The following C8orf34 variants were observed in gnomAD, a reference collection of about 807,000 sequenced individuals.
C8orf34 encodes the protein chromosome 8 open reading frame 34, also known as uncharacterized protein C8orf34.
A neutral mutation model predicts 68.3 loss-of-function variants in C8orf34; 65 were observed. That is an observed-to-expected ratio of 0.95 (90% CI 0.78 to 1.17). The LOEUF (loss-of-function observed/expected upper bound fraction) is 1.17, where lower values mean the gene tolerates loss of function less well. Among genes scored for constraint, C8orf34 ranks in the 50% most tolerant of loss-of-function variants. The pLI is 0.00. For synonymous variants in C8orf34, 244 were observed against 241.2 expected, an observed-to-expected ratio of 1.01 and a Z score of -0.11; for missense variants, 664 against 655.4, an observed-to-expected ratio of 1.01 and a Z score of -0.14.
intron 5 of C8orf34, among the ~76,000 whole-genome samples, chr8:68,519,202 G>A (rs1310146420): frequency 6.6e-6 from 1 of 152,160 alleles, no homozygotes; most frequent in Non-Finnish European, 1.5e-5. Context: ...TAAAGTAATA[G>A]TGCTCATTGT....
At chr8:68,435,595 T>C (rs1810629356) in intron 1 of C8orf34, among the ~76,000 whole-genome samples, 1 of 152,174 alleles carries the variant, frequency 6.6e-6, no homozygotes, top group South Asian at 2.1e-4. Flanking sequence ...TGTGAATCTC[T>C]CATCTGTTCT....
chr8:68,749,158 A>G (rs562338099), intron 10 of C8orf34, among the ~76,000 whole-genome samples: 3 of 151,388 alleles, frequency 2.0e-5, no homozygotes, highest in Non-Finnish European at 4.4e-5. Flanking sequence ...AACACCGCAT[A>G]TTCTCACTCA....
intron 10 of C8orf34, among the ~76,000 whole-genome samples, chr8:68,752,303 T>C (rs1822730232): frequency 6.6e-6 from 1 of 152,184 alleles, no homozygotes; most frequent in South Asian, 2.1e-4. Flanking sequence ...AACAACTCCT[T>C]AAACTTTTCT....
chr8:68,545,538 A>T (rs936333122), intron 7 of C8orf34, among the ~76,000 whole-genome samples: 12 of 152,170 alleles, frequency 7.9e-5, no homozygotes, highest in Non-Finnish European at 1.6e-4. Context: ...ATGAAATATC[A>T]GCTGATACTT....
chr8:68,728,553 G>C (rs1255329235), intron 10 of C8orf34, among the ~76,000 whole-genome samples: 3 of 152,184 alleles, frequency 2.0e-5, no homozygotes, highest in Admixed American at 1.3e-4. Context: ...GCTGGGAACA[G>C]AATGATAGCA....
chr8:68,564,054 T>C (rs1226194252), intron 7 of C8orf34, among the ~76,000 whole-genome samples: 1 of 152,246 alleles, frequency 6.6e-6, no homozygotes. Flanking sequence ...TATATAACTA[T>C]AGAGTCTGCA....
At chr8:68,815,479 C>T (rs1229938783) in intron 12 of C8orf34, among the ~76,000 whole-genome samples, 3 of 151,886 alleles carry the variant, frequency 2.0e-5, no homozygotes, top group South Asian at 4.1e-4. Flanking sequence ...GTAGCGTGTA[C>T]CTGTCTGGGG....
intron 10 of C8orf34, among the ~76,000 whole-genome samples, chr8:68,752,062 A>T (rs1002149604): frequency 2.0e-5 from 3 of 152,150 alleles, no homozygotes; most frequent in Non-Finnish European, 4.4e-5. Flanking sequence ...ACAGCAGTTG[A>T]ATTCTCAACC....
intron 8 of C8orf34, among the ~76,000 whole-genome samples, chr8:68,668,377 A>G (rs72666766): frequency 0.12 from 17,767 of 152,240 alleles, 1,367 homozygotes; most frequent in Middle Eastern, 0.23. Flanking sequence ...AAGAAAAAAT[A>G]TACTTATTTT....
intron 1 of C8orf34, among the ~76,000 whole-genome samples, chr8:68,343,668 A>G (rs2129618135): frequency 6.6e-6 from 1 of 150,550 alleles, no homozygotes; most frequent in East Asian, 2.0e-4. Context: ...ATCTCAGCTC[A>G]CTGCAACCTC....
chr8:68,747,766 C>A (rs1822553171), intron 10 of C8orf34, among the ~76,000 whole-genome samples: 1 of 151,476 alleles, frequency 6.6e-6, no homozygotes, highest in Admixed American at 6.6e-5. Context: ...ACATTCCATG[C>A]TCATGGGTAG....
intron 3 of C8orf34, among the ~76,000 whole-genome samples, chr8:68,461,105 T>C (rs1811799544): frequency 6.6e-6 from 1 of 152,178 alleles, no homozygotes; most frequent in South Asian, 2.1e-4. Flanking sequence ...AAGGAGCTGA[T>C]GGAGCTGAAA....
intron 1 of C8orf34, among the ~76,000 whole-genome samples, chr8:68,391,688 A>G (rs1014296930): frequency 9.2e-5 from 14 of 152,110 alleles, no homozygotes; most frequent in African/African-American, 2.7e-4. Context: ...CTTAAACCAC[A>G]AGGTTTATTT....
chr8:68,746,130 T>C (rs1450615099), intron 10 of C8orf34, among the ~76,000 whole-genome samples: 2 of 152,176 alleles, frequency 1.3e-5, no homozygotes, highest in Non-Finnish European at 2.9e-5. Context: ...TGCTCCTGAA[T>C]GACTACTGGG....
chr8:68,399,826 T>G (rs1808871329), intron 1 of C8orf34, among the ~76,000 whole-genome samples: 1 of 152,200 alleles, frequency 6.6e-6, no homozygotes, highest in African/African-American at 2.4e-5. Context: ...CATCTGTTAT[T>G]TATTTTTTTA....
At chr8:68,419,541 C>A (rs1809847962) in intron 1 of C8orf34, among the ~76,000 whole-genome samples, 1 of 151,824 alleles carries the variant, frequency 6.6e-6, no homozygotes, top group Non-Finnish European at 1.5e-5. Flanking sequence ...ATGTTTATTG[C>A]AGCATTATTC....
At chr8:68,504,144 A>G (rs913532744) in intron 5 of C8orf34, among the ~76,000 whole-genome samples, 13 of 151,928 alleles carry the variant, frequency 8.6e-5, no homozygotes, top group African/African-American at 3.1e-4. Flanking sequence ...GTTTCTATAA[A>G]TTTTTCTATT....
At chr8:68,627,567 A>G (rs1818573052) in intron 7 of C8orf34, among the ~76,000 whole-genome samples, 1 of 152,190 alleles carries the variant, frequency 6.6e-6, no homozygotes, top group Non-Finnish European at 1.5e-5. Context: ...TATGCAATAT[A>G]ATCTTTTGTA....
chr8:68,373,110 A>G (rs1807634276), intron 1 of C8orf34, among the ~76,000 whole-genome samples: 1 of 152,056 alleles, frequency 6.6e-6, no homozygotes, highest in Admixed American at 6.5e-5. Context: ...ATTCTCCTGC[A>G]TCAGCCTCCC....
Sources: gnomAD v4.1 joint callset for allele counts (sites outside exome capture counted in the v4.1 genomes callset) on GRCh38, gnomAD v4.1.1 for gene constraint, MANE v1.5 for transcripts, NCBI Gene and HGNC (gene_info 2026-07-23, HGNC 2026-07-21) for gene names.